The following DNAH8 variants were observed in gnomAD, a reference collection of about 807,000 sequenced individuals.
The protein encoded by DNAH8 is axonemal beta dynein heavy chain 8.
A neutral mutation model predicts 562.1 loss-of-function variants in DNAH8; 382 were observed. That is an observed-to-expected ratio of 0.68 (90% CI 0.63 to 0.74). The LOEUF (loss-of-function observed/expected upper bound fraction) is 0.74. Among genes scored for constraint, DNAH8 ranks in the 30% least tolerant of loss-of-function variants. DNAH8 has a pLI of 0.00. For missense variants in DNAH8, 5,203 were observed against 5,620.4 expected (o/e 0.93, Z 2.37); for synonymous variants, 1,881 against 1,919.4 (o/e 0.98, Z 0.52).
intron 18 of DNAH8, among the ~76,000 whole-genome samples, chr6:38,788,056 A>G (rs1769344274): frequency 6.6e-6 from 1 of 152,126 alleles, no homozygotes; most frequent in African/African-American, 2.4e-5. Context: ...CATTAATGGA[A>G]CAGCTGATTA....
Position 38,750,590 on chromosome 6 carries a change from G to T in DNAH8, c.1407+1G>T. Reference sequence around the variant, plus strand: ...TCAACCTCTCTATAACCATGACCTAGTAAGTATGCTTTTAAAGTACAATTT... The same window carrying T: ...TCAACCTCTCTATAACCATGACCTATTAAGTATGCTTTTAAAGTACAATTT... On this transcript the variant is annotated splice_donor_variant, in intron 9 of 92. Coordinates refer to ENST00000327475, the MANE Select transcript of DNAH8 (RefSeq NM_001206927.2). LOFTEE classifies it high-confidence loss of function. 6.4e-7 allele frequency: 1 copy of T among 1,556,898 alleles called. No homozygotes were observed. Among genetic ancestry groups the T allele is most frequent in the Non-Finnish European group, 8.8e-7 (1 of 1,133,438 alleles).
rs369362096 is a variant in DNAH8, at chr6:38,832,289, C to A, written c.4189-33C>A. On this transcript the variant is annotated intron_variant, in intron 30 of 92. Transcript: ENST00000327475. ...ATTTTTGTTTTTAATATGTTACTTT[C>A]ACTCTCAGGTTGAATATTCTTTTTT... 3.6e-6 allele frequency: 5 copies of A among 1,371,790 alleles called. No homozygotes were observed. The African/African-American group carries it at 7.2e-5, about 20-fold the overall frequency. 85.0% of individuals were successfully genotyped at this position (1,371,790 alleles called of 1,614,324 possible).
At position 38,775,152 on chromosome 6, in the gene DNAH8, A is replaced by T. The variant is rs115143148; in HGVS notation, c.1765-602A>T. ...AAGTCAAAATGGGGAAGCGTAAGGA[A>T]GGAGTAGCCTGTGGACATGAATTTT... is the stretch of plus-strand genomic sequence containing the variant. On this transcript the variant is annotated intron_variant, in intron 12 of 92. Coordinates refer to ENST00000327475, the MANE Select transcript of DNAH8 (RefSeq NM_001206927.2). Among the ~76,000 whole-genome samples, 1,064 of 152,296 alleles carry T rather than the reference A, an allele frequency of 7.0e-3. 12 individuals carry two copies. Among genetic ancestry groups the T allele is most frequent in the African/African-American group, 0.024 (984 of 41,568 alleles).
intron 80 of DNAH8, among the ~76,000 whole-genome samples, chr6:38,948,188 A>G (rs1761586477): frequency 6.6e-6 from 1 of 152,226 alleles, no homozygotes; most frequent in Non-Finnish European, 1.5e-5. Context: ...GACTTTGGAC[A>G]GTTATTTAAC....
chr6:38,823,702 G>A lies in DNAH8; in HGVS notation c.3847+14G>A. The A allele has an allele frequency of 6.4e-7, 1 of 1,570,930 alleles. No homozygotes were observed. The highest frequency in any genetic ancestry group is 8.7e-7 in the Non-Finnish European group (1 of 1,149,258). On this transcript the variant is annotated intron_variant, in intron 28 of 92. Transcript: ENST00000327475. Reference sequence around the variant, plus strand: ...AATTACATACAGGTATTTTAAAAATGTTTATTATGTAAAGTATCTGTACTT... The same window carrying A: ...AATTACATACAGGTATTTTAAAAATATTTATTATGTAAAGTATCTGTACTT...
intron 53 of DNAH8, among the ~76,000 whole-genome samples, chr6:38,876,923 G>T (rs1382023243): frequency 6.6e-6 from 1 of 152,172 alleles, no homozygotes; most frequent in Non-Finnish European, 1.5e-5. Flanking sequence ...TTTTCAGTGG[G>T]CCATCTTTAA....
intron 21 of DNAH8, among the ~76,000 whole-genome samples, chr6:38,795,203 C>A (rs1025131155): frequency 1.1e-4 from 16 of 152,158 alleles, no homozygotes; most frequent in African/African-American, 3.6e-4. Context: ...TCACAATGAT[C>A]TATTTCCAAA....
At chr6:38,732,943 C>G (rs1489042658) in intron 4 of DNAH8, among the ~76,000 whole-genome samples, 1 of 152,008 alleles carries the variant, frequency 6.6e-6, no homozygotes. Context: ...GGCTGGAGTG[C>G]AGTGGCATGA....
intron 62 of DNAH8, among the ~76,000 whole-genome samples, chr6:38,901,542 G>T (rs776085023): frequency 1.1e-4 from 16 of 151,906 alleles, no homozygotes; most frequent in Non-Finnish European, 2.2e-4. Context: ...ATCTATCTTT[G>T]TATCATTACC....
chr6:38,753,064 T>C (rs992295160), intron 9 of DNAH8, among the ~76,000 whole-genome samples: 2 of 152,090 alleles, frequency 1.3e-5, no homozygotes, highest in African/African-American at 4.8e-5. Context: ...TAGGAAGTTT[T>C]TCAGCTCACA....
chr6:38,798,060 C>T (rs909061823), intron 21 of DNAH8, among the ~76,000 whole-genome samples: 12 of 149,964 alleles, frequency 8.0e-5, no homozygotes, highest in Admixed American at 3.3e-4. Flanking sequence ...GGCCACAGAG[C>T]GAGACTCCGT....
intron 24 of DNAH8, among the ~76,000 whole-genome samples, chr6:38,811,656 T>G (rs986788857): frequency 9.2e-5 from 14 of 152,242 alleles, no homozygotes; most frequent in African/African-American, 3.4e-4. Flanking sequence ...ATCTGGACAT[T>G]AATTTTTATC....
intron 24 of DNAH8, among the ~76,000 whole-genome samples, chr6:38,811,306 G>A (rs1429701059): frequency 3.3e-5 from 5 of 152,204 alleles, no homozygotes; most frequent in African/African-American, 1.2e-4. Flanking sequence ...GCACTGTCCA[G>A]ATGAGGTGCC....
intron 85 of DNAH8, among the ~76,000 whole-genome samples, chr6:38,977,135 G>A (rs1763727214): frequency 6.6e-6 from 1 of 152,212 alleles, no homozygotes; most frequent in African/African-American, 2.4e-5. Context: ...AGTAAATTTG[G>A]CTGGTCAAGG....
intron 8 of DNAH8, among the ~76,000 whole-genome samples, chr6:38,748,857 TG>T (rs1765181986): frequency 6.6e-6 from 1 of 151,724 alleles, no homozygotes; most frequent in Non-Finnish European, 1.5e-5. Context: ...TGATCAACTT[TG>T]GATAAAGACT....
At chr6:39,013,938 T>C (rs1477999468) in intron 91 of DNAH8, among the ~76,000 whole-genome samples, 1 of 152,156 alleles carries the variant, frequency 6.6e-6, no homozygotes, top group African/African-American at 2.4e-5. Context: ...CTTCTAGATC[T>C]GGATACTGGT....
chr6:38,852,425 C>T (rs1358619946), intron 39 of DNAH8, among the ~76,000 whole-genome samples: 1 of 152,050 alleles, frequency 6.6e-6, no homozygotes, highest in Non-Finnish European at 1.5e-5. Flanking sequence ...GTCCAGTCCC[C>T]ATCTGGTGGA....
At chr6:38,961,792 A>G (rs1035012327) in intron 82 of DNAH8, among the ~76,000 whole-genome samples, 2 of 152,054 alleles carry the variant, frequency 1.3e-5, no homozygotes, top group South Asian at 2.1e-4. Context: ...GATGTCTGCT[A>G]TTGCCACTGT....
In DNAH8 at chr6:38,909,575, A is replaced by C. The variant is rs1237514888; in HGVS notation, c.9571A>C (p.Thr3191Pro). Residue 3191 changes from threonine to proline, a missense_variant, in exon 65 of 93, where the codon ACT becomes CCT. Around this residue, in one of 6 missense-constraint regions of DNAH8, gnomAD observed 977 missense variants for 1,061.8 expected, o/e 0.92. Transcript: ENST00000327475. ...LKFPGLISGC[T>P]MDWFSRWPRE... Reference sequence around the variant, plus strand: ...ATTTCCTGGCTTGATATCAGGTTGCACTATGGACTGGTTCAGCCGCTGGCC... The same window carrying C: ...ATTTCCTGGCTTGATATCAGGTTGCCCTATGGACTGGTTCAGCCGCTGGCC... 6.2e-7 allele frequency: 1 copy of C among 1,614,116 alleles called. No individual in the cohort carries two copies. Among genetic ancestry groups the C allele is most frequent in the Non-Finnish European group, 8.5e-7 (1 of 1,179,994 alleles).
Sources: gnomAD v4.1 joint callset for allele counts (sites outside exome capture counted in the v4.1 genomes callset) on GRCh38, gnomAD v4.1.1 for gene constraint, gnomAD v4.1.1 regional missense constraint, MANE v1.5 for transcripts, NCBI Gene and HGNC (gene_info 2026-07-23, HGNC 2026-07-21) for gene names.